The following ATN1 variants were observed in gnomAD, a reference collection of about 807,000 sequenced individuals.
ATN1 encodes the protein atrophin 1, also known as atrophin-1.
A neutral mutation model predicts 85.8 loss-of-function variants in ATN1; 19 were observed. The observed-to-expected ratio is 0.22, with a 90% CI of 0.15 to 0.32. The LOEUF (loss-of-function observed/expected upper bound fraction) is 0.32, where lower values mean the gene tolerates loss of function less well. Ranked by LOEUF, ATN1 falls within the 10% of genes least tolerant of loss-of-function variation. ATN1 has a pLI of 1.00. For synonymous variants in ATN1, 674 were observed against 657.0 expected (o/e 1.03, Z -0.39); for missense variants, 1,453 against 1,564.5 (o/e 0.93, Z 1.20).
Position 6,937,530 on chromosome 12 carries a change from G to A in ATN1, c.2263G>A (p.Asp755Asn), listed in dbSNP as rs886907988. 6.5e-7 allele frequency: 1 copy of A among 1,531,326 alleles called. No individual in the cohort carries two copies. The highest frequency in any genetic ancestry group is 1.2e-5 in the South Asian group (1 of 83,312). The allele number at this position is 1,531,326 out of a possible 1,614,324, so 94.9% of individuals were successfully genotyped here. Residue 755 changes from aspartate (D) to asparagine (N), a missense_variant, in exon 5 of 10, where the codon GAT becomes AAT. Around this residue, in one of 6 missense-constraint regions of ATN1, gnomAD observed 990 missense variants for 914.8 expected, o/e 1.08. Transcript: ENST00000396684. This position sits in a 1 kb window ranked among gnomAD's most constrained non-coding sequence, Gnocchi z 6.0. Reference protein sequence around the residue: ...RSPSPPPKVVDVPSHASQSAR... With the variant: ...RSPSPPPKVVNVPSHASQSAR... ...CCCCTCGCCCCCTCCCAAGGTGGTA[G>A]ATGTACCCAGCCATGCCAGTCAGTC... is the stretch of plus-strand genomic sequence containing the variant.
intron 7 of ATN1, among the ~76,000 whole-genome samples, chr12:6,940,127 G>A (rs1217633951): frequency 6.6e-6 from 1 of 152,182 alleles, no homozygotes; most frequent in Non-Finnish European, 1.5e-5. Context: ...GAGTAGCTGG[G>A]ACTGCAGGCG....
intron 7 of ATN1, among the ~76,000 whole-genome samples, chr12:6,940,364 C>T (rs1043826037): frequency 1.5e-4 from 23 of 152,158 alleles, no homozygotes; most frequent in African/African-American, 5.5e-4. Context: ...CTCCCAGGTT[C>T]AAGCGATTCT....
At chr12:6,931,732 A>G (rs1397056489) in intron 1 of ATN1, among the ~76,000 whole-genome samples, 4 of 137,498 alleles carry the variant, frequency 2.9e-5, no homozygotes, top group African/African-American at 6.0e-5. Context: ...AAAAAAAAGG[A>G]AAAAAAAAGA....
In ATN1 at chr12:6,936,677, C is replaced by T. The variant is rs781805970; in HGVS notation, c.1410C>T (p.Ser470=). The change falls in exon 5 of 10, where the codon TCC becomes TCT. Residue 470 remains serine, a synonymous_variant. Transcript: ENST00000396684. ...GPFPPSTGAQ[S]TAHPPVSTHH... ...TCCCTCCCTCTACTGGGGCCCAGTC[C>T]ACCGCCCACCCACCAGTCTCAACAC... The T allele has an allele frequency of 1.9e-6, 3 of 1,613,750 alleles. No individual in the cohort carries two copies. The highest frequency in any genetic ancestry group is 1.6e-4 in the Middle Eastern group (1 of 6,062).
chr12:6,935,422 A>C lies in ATN1; in HGVS notation c.280-125A>C. On this transcript the variant is annotated intron_variant, in intron 4 of 9. Coordinates refer to ENST00000396684, the MANE Select transcript of ATN1 (RefSeq NM_001940.4). The surrounding 1 kb of genome is among the most constrained non-coding windows in gnomAD (Gnocchi z 5.3). Reference sequence around the variant, plus strand: ...AGATGGTAAGAGGTGGGCTTGAGCAAGAGTACTCACCACATCACAGTACAA... The same window carrying C: ...AGATGGTAAGAGGTGGGCTTGAGCACGAGTACTCACCACATCACAGTACAA... 1.8e-4 allele frequency: 178 copies of C among 993,386 alleles called. No individual in the cohort carries two copies. The highest frequency in any genetic ancestry group is 2.4e-4 in the Non-Finnish European group (164 of 695,954). The allele number at this position is 993,386 out of a possible 1,614,324, so 61.5% of individuals were successfully genotyped here. A position where few individuals can be genotyped will look rare whatever the true frequency, so the allele number is the denominator to read the frequency against.
At chr12:6,940,169 T>A (rs782343438) in intron 7 of ATN1, among the ~76,000 whole-genome samples, 1 of 152,280 alleles carries the variant, frequency 6.6e-6, no homozygotes, top group East Asian at 1.9e-4. Flanking sequence ...TTTTTGTATT[T>A]TTAGTAGACA....
At chr12:6,925,105 T>TGTGTGCGTGTGC (rs1379418740), upstream of ATN1, among the ~76,000 whole-genome samples, 1 of 140,372 alleles carries the variant, frequency 7.1e-6, no homozygotes, top group East Asian at 2.2e-4. Flanking sequence ...TGGGGCTGTG[T>TGTGTGCGTGTGC]GTGTGCGTGT....
Position 6,936,006 on chromosome 12 carries a change from C to A in ATN1, c.739C>A (p.Pro247Thr). ...GGGAASSVGGPNGGKQHPPPT... is the reference protein window; with the variant it reads ...GGGAASSVGGTNGGKQHPPPT... Reference sequence around the variant, plus strand: ...AGGGGCTGCCTCATCAGTGGGGGGCCCTAATGGGGGTAAGCAGCACCCCCC... The same window carrying A: ...AGGGGCTGCCTCATCAGTGGGGGGCACTAATGGGGGTAAGCAGCACCCCCC... The change falls in exon 5 of 10, where the codon CCT becomes ACT. Residue 247 changes from proline (P) to threonine (T), a missense_variant. Around this residue, in one of 6 missense-constraint regions of ATN1, gnomAD observed 990 missense variants for 914.8 expected, o/e 1.08. Coordinates refer to ENST00000396684, the MANE Select transcript of ATN1 (RefSeq NM_001940.4). The A allele has an allele frequency of 6.3e-7, 1 of 1,588,010 alleles. No individual in the cohort carries two copies.
intron 1 of ATN1, among the ~76,000 whole-genome samples, chr12:6,931,208 G>GA (rs1555143008): frequency 6.6e-6 from 1 of 152,104 alleles, no homozygotes; most frequent in Non-Finnish European, 1.5e-5. Context: ...ATGGGGAAGG[G>GA]AGATGGACAC....
At position 6,934,535 on chromosome 12, in the gene ATN1, G is replaced by T; in HGVS notation, c.236G>T (p.Ser79Ile). The change falls in exon 4 of 10, where the codon AGT (serine) becomes ATT (isoleucine). Residue 79 changes from serine (S) to isoleucine (I), a missense_variant. Coordinates refer to ENST00000396684, the MANE Select transcript of ATN1 (RefSeq NM_001940.4). This position sits in a 1 kb window ranked among gnomAD's most constrained non-coding sequence, Gnocchi z 4.5. ...KQGRSEEISESESEETNAPKK... is the reference protein window; with the variant it reads ...KQGRSEEISEIESEETNAPKK... ...GGTCGGAGTGAGGAGATCTCAGAGA[G>T]TGAAAGTGAGGAGACCAATGCACCA... 1 of 1,577,208 alleles carries T rather than the reference G, an allele frequency of 6.3e-7. No homozygotes were observed. The highest frequency in any genetic ancestry group is 8.6e-7 in the Non-Finnish European group (1 of 1,160,718).
At position 6,937,512 on chromosome 12, in the gene ATN1, C is replaced by A; in HGVS notation, c.2245C>A (p.Pro749Thr). Reference protein sequence around the residue: ...SPVPPARSPSPPPKVVDVPSH... With the variant: ...SPVPPARSPSTPPKVVDVPSH... ...GGTGCCCCCAGCCCGCAGCCCCTCG[C>A]CCCCTCCCAAGGTGGTAGATGTACC... is the stretch of plus-strand genomic sequence containing the variant. Residue 749 changes from proline (P) to threonine (T), a missense_variant, in exon 5 of 10, where the codon CCC becomes ACC. Coordinates refer to ENST00000396684, the MANE Select transcript of ATN1 (RefSeq NM_001940.4). The surrounding 1 kb of genome is among the most constrained non-coding windows in gnomAD (Gnocchi z 6.0). 6.5e-7 allele frequency: 1 copy of A among 1,542,994 alleles called. No individual in the cohort carries two copies.
At position 6,941,209 on chromosome 12, in the gene ATN1, G is replaced by T. The variant is rs1199194676; in HGVS notation, c.3359-165G>T. On this transcript the variant is annotated intron_variant, in intron 8 of 9. Transcript: ENST00000396684. This position sits in a 1 kb window ranked among gnomAD's most constrained non-coding sequence, Gnocchi z 5.9. ...ACGAGTTTTAGTGTCAGCCTAAGAG[G>T]TTCGAATCCCAATTCCACCCTACCA... Among the ~76,000 whole-genome samples the T allele has an allele frequency of 1.3e-5, 2 of 152,162 alleles. No homozygotes were observed. The highest frequency in any genetic ancestry group is 3.8e-4 in the East Asian group (2 of 5,200).
intron 1 of ATN1, among the ~76,000 whole-genome samples, chr12:6,933,631 G>C (rs1401309931): frequency 6.6e-6 from 1 of 152,220 alleles, no homozygotes; most frequent in African/African-American, 2.4e-5. Context: ...CTACAGAGAT[G>C]AAAGAGATTA....
At position 6,941,528 on chromosome 12, in the gene ATN1, G is replaced by A. The variant is rs1270459722; in HGVS notation, c.3513G>A (p.Pro1171=). 9.9e-6 allele frequency: 16 copies of A among 1,612,374 alleles called. No homozygotes were observed. The highest frequency in any genetic ancestry group is 1.3e-5 in the Non-Finnish European group (15 of 1,179,894). ...CCCATCACCCGCTGCACAGTGTGCC[G>A]CTGCCTGCCCAGGAGGACTACTACA... The part of the protein sequence containing the change: ...LHAHHPLHSV[P]LPAQEDYYSH... The change falls in exon 9 of 10, where the codon CCG becomes CCA. Residue 1171 remains proline, a synonymous_variant. Transcript: ENST00000396684. The surrounding 1 kb of genome is among the most constrained non-coding windows in gnomAD (Gnocchi z 5.9).
At position 6,941,839 on chromosome 12, in the gene ATN1, TC is replaced by T; in HGVS notation, c.*65del. On this transcript the variant is annotated 3_prime_UTR_variant, in exon 10 of 10. Transcript: ENST00000396684. The surrounding 1 kb of genome is among the most constrained non-coding windows in gnomAD (Gnocchi z 5.9). ...ATTGGACCTTGGAGCACCCCCACCC[TC>T]CCCCCACCGTGCCCTTGGCCTGCCA... 1.9e-6 allele frequency: 3 copies of T among 1,561,578 alleles called. No individual in the cohort carries two copies. Among genetic ancestry groups the T allele is most frequent in the Non-Finnish European group, 2.6e-6 (3 of 1,134,146 alleles).
chr12:6,938,125 G>T (rs1945578745), intron 6 of ATN1, 58 bp downstream of exon 6: 11 of 1,481,424 alleles, frequency 7.4e-6, no homozygotes, highest in South Asian at 1.4e-5. Flanking sequence ...CCTTCCCTCT[G>T]CGCTGCGCTG....
In ATN1 at chr12:6,938,504, T is replaced by A. The variant is rs782372961; in HGVS notation, c.2541T>A (p.Ala847=). ...AGAAGTTGGCTCAGGAGGGCCGTGC[T>A]CCGGTGGAATGCCCATCTCTGGGCC... ...RSVKLAQEGR[A]PVECPSLGPV... Residue 847 remains alanine, a synonymous_variant, in exon 7 of 10, where the codon GCT becomes GCA. Coordinates refer to ENST00000396684, the MANE Select transcript of ATN1 (RefSeq NM_001940.4). 1.2e-6 allele frequency: 2 copies of A among 1,609,870 alleles called. No individual in the cohort carries two copies.
At chr12:6,939,622 C>T (rs782164174) in intron 7 of ATN1, among the ~76,000 whole-genome samples, 10 of 152,158 alleles carry the variant, frequency 6.6e-5, no homozygotes, top group Non-Finnish European at 1.3e-4. Context: ...CTACCTCAGC[C>T]TCTGGAGTAG....
intron 1 of ATN1, among the ~76,000 whole-genome samples, chr12:6,930,055 T>C (rs1555142919): frequency 6.6e-6 from 1 of 152,088 alleles, no homozygotes; most frequent in Non-Finnish European, 1.5e-5. Context: ...GCAGGGGAAA[T>C]ACTATAGAAC....
Sources: allele counts gnomAD v4.1 joint callset (sites outside exome capture counted in the v4.1 genomes callset), GRCh38; gene constraint gnomAD v4.1.1; regional missense constraint gnomAD v4.1.1; non-coding constraint Gnocchi (gnomAD v3.1); transcripts MANE v1.5; gene names NCBI Gene and HGNC (gene_info 2026-07-23, HGNC 2026-07-21).